The following RORA variants were observed in gnomAD, a reference collection of about 807,000 sequenced individuals.
RORA encodes the protein nuclear receptor ROR-alpha.
A neutral mutation model predicts 69.5 loss-of-function variants in RORA; 7 were observed. That is an observed-to-expected ratio of 0.10 (90% CI 0.06 to 0.19). The LOEUF (loss-of-function observed/expected upper bound fraction) is 0.19. Among genes scored for constraint, RORA ranks in the 10% least tolerant of loss-of-function variants. The pLI is 1.00. For synonymous variants in RORA, 261 were observed against 240.8 expected (o/e 1.08, Z -0.78); for missense variants, 457 against 663.0 (o/e 0.69, Z 3.41).
chr15:60,748,444 C>T (rs866461022), intron 1 of RORA, among the ~76,000 whole-genome samples: 19 of 152,168 alleles, frequency 1.2e-4, no homozygotes, highest in African/African-American at 4.3e-4. Flanking sequence ...GGTTCCTCCT[C>T]ACGTGGTTCT....
At chr15:60,521,598 C>T (rs529023481) in intron 3 of RORA, among the ~76,000 whole-genome samples, 1 of 152,086 alleles carries the variant, frequency 6.6e-6, no homozygotes, top group Admixed American at 6.5e-5. Context: ...CTTTGACTTC[C>T]TTTTGTTAAG....
chr15:60,640,361 G>A (rs532191413), intron 2 of RORA, among the ~76,000 whole-genome samples: 4 of 152,282 alleles, frequency 2.6e-5, no homozygotes, highest in South Asian at 2.1e-4. Context: ...TCAGTCCAAC[G>A]TGTAGGCCGT....
At chr15:60,707,741 G>A (rs771342517) in intron 1 of RORA, among the ~76,000 whole-genome samples, 54 of 152,152 alleles carry the variant, frequency 3.5e-4, no homozygotes, top group Non-Finnish European at 6.2e-4. Context: ...TAATAACCTC[G>A]TTGACCTCTT....
In RORA at chr15:60,904,977, T is replaced by C. The variant is rs73432005; in HGVS notation, c.167-226291A>G. 6.2e-3 allele frequency among the ~76,000 whole-genome samples: 942 copies of C among 152,234 alleles called. 11 individuals are homozygous for C. The highest frequency in any genetic ancestry group is 0.022 in the African/African-American group (905 of 41,516). On this transcript the variant is annotated intron_variant, in intron 1 of 10. Coordinates refer to ENST00000335670, the MANE Select transcript of RORA (RefSeq NM_134261.3). ...AACACATATAAAACATGTCTACCTC[T>C]TTGGGAACTCAAAAAATGTGAGGTT...
In RORA at chr15:61,229,231, T is replaced by C. The variant is rs1260088249; in HGVS notation, c.-13A>G. On this transcript the variant is annotated 5_prime_UTR_variant, in exon 1 of 11. Coordinates refer to ENST00000335670, the MANE Select transcript of RORA (RefSeq NM_134261.3). ...GAGCTGACTCCATGTTTTTTCCCAA[T>C]GTAGAGATCGCTGGAGATGGCGAGC... 4 of 1,442,768 alleles carry C rather than the reference T, an allele frequency of 2.8e-6. No individual in the cohort carries two copies. The highest frequency in any genetic ancestry group is 5.8e-5 in the East Asian group (2 of 34,342). The allele number at this position is 1,442,768 out of a possible 1,614,324, so 89.4% of individuals were successfully genotyped here. A position where few individuals can be genotyped will look rare whatever the true frequency, so the allele number is the denominator to read the frequency against.
rs117198155 is a variant in RORA, at chr15:61,163,694, G to A, written c.166+65359C>T. 1.9e-3 allele frequency among the ~76,000 whole-genome samples: 296 copies of A among 152,298 alleles called. 6 individuals are homozygous for A. The East Asian group carries it at 0.037, about 19-fold the overall frequency. On this transcript the variant is annotated intron_variant, in intron 1 of 10. Coordinates refer to ENST00000335670, the MANE Select transcript of RORA (RefSeq NM_134261.3). ...GTCACAGCTGCTGATCTGCTCAGGG[G>A]CAATGACAAATTCCACAGAGTTTGT...
At chr15:60,931,647 T>C (rs571908228) in intron 1 of RORA, among the ~76,000 whole-genome samples, 23 of 152,258 alleles carry the variant, frequency 1.5e-4, no homozygotes, top group Non-Finnish European at 2.6e-4. Context: ...CTGCCTCTTC[T>C]GGCACACACA....
chr15:60,876,167 A>T (rs1040417061), intron 1 of RORA, among the ~76,000 whole-genome samples: 1 of 152,330 alleles, frequency 6.6e-6, no homozygotes, highest in Admixed American at 6.5e-5. Flanking sequence ...TGTTCTTTCA[A>T]GGAACTTTAA....
intron 1 of RORA, among the ~76,000 whole-genome samples, chr15:61,045,909 T>G (rs1486958224): frequency 6.6e-6 from 1 of 152,204 alleles, no homozygotes; most frequent in Non-Finnish European, 1.5e-5. Context: ...CTTCGTGGCA[T>G]GCAGAGAACA....
At chr15:61,082,214 C>T (rs1031167767) in intron 1 of RORA, among the ~76,000 whole-genome samples, 7 of 152,310 alleles carry the variant, frequency 4.6e-5, no homozygotes, top group African/African-American at 1.4e-4. Context: ...TTTGGCCGGG[C>T]GCAGTGGCTC....
intron 2 of RORA, among the ~76,000 whole-genome samples, chr15:60,653,298 CGTGTGTGTGTGT>C (rs61265165): frequency 5.4e-5 from 8 of 147,484 alleles, no homozygotes; most frequent in African/African-American, 1.0e-4. Flanking sequence ...CAGGTGCATG[CGTGTGTGTGTGT>C]GTGTGTGTGT....
chr15:60,832,541 T>C (rs2073055320), intron 1 of RORA, among the ~76,000 whole-genome samples: 1 of 152,310 alleles, frequency 6.6e-6, no homozygotes, highest in East Asian at 1.9e-4. Flanking sequence ...CAGACTTCGA[T>C]GTAAAGGACA....
At chr15:61,005,611 TACAC>T (rs1285313431) in intron 1 of RORA, among the ~76,000 whole-genome samples, 5 of 152,216 alleles carry the variant, frequency 3.3e-5, no homozygotes, top group Non-Finnish European at 4.4e-5. Context: ...TATATATACA[TACAC>T]ACACATATAT....
chr15:60,567,400 T>C lies in RORA; in HGVS notation c.197-35549A>G, dbSNP rs532428608. On this transcript the variant is annotated intron_variant, in intron 2 of 10. Transcript: ENST00000335670. ...AGATGCCCTCTTTTATTATCATTAT[T>C]ATTATTATTATTATTATTTTTTTTT... 1.6e-4 allele frequency among the ~76,000 whole-genome samples: 24 copies of C among 149,122 alleles called. 1 individual carries two copies. Among genetic ancestry groups the C allele is most frequent in the South Asian group, 6.5e-4 (3 of 4,646 alleles).
chr15:60,500,011 A>AT lies in RORA; in HGVS notation c.1295-8dup, dbSNP rs1254594609. The AT allele has an allele frequency of 6.4e-7, 1 of 1,573,272 alleles. No individual in the cohort carries two copies. The highest frequency in any genetic ancestry group is 8.7e-7 in the Non-Finnish European group (1 of 1,147,008). ...TCTTGCAGCCATGAGCGATCTAAGC[A>AT]TAAAAAAATGATATTCTTTAGCATT... On this transcript the variant is annotated splice_region_variant and splice_polypyrimidine_tract_variant and intron_variant, in intron 9 of 10. Coordinates refer to ENST00000335670, the MANE Select transcript of RORA (RefSeq NM_134261.3).
At chr15:60,933,829 A>C (rs1370942847) in intron 1 of RORA, among the ~76,000 whole-genome samples, 6 of 152,336 alleles carry the variant, frequency 3.9e-5, no homozygotes, top group African/African-American at 1.4e-4. Flanking sequence ...TATGGGAAAA[A>C]GCAGAGGCAC....
rs554893925 is a variant in RORA at position 60,927,973 on chromosome 15, C to T, written c.167-249287G>A. On this transcript the variant is annotated intron_variant, in intron 1 of 10. Coordinates refer to ENST00000335670, the MANE Select transcript of RORA (RefSeq NM_134261.3). ...TCCAGCCCTGTTTTCTCCTCACCTT[C>T]CTCACAGCCATGCCCTTGTTTGGGG... Among the ~76,000 whole-genome samples the T allele has an allele frequency of 1.2e-4, 19 of 152,278 alleles. No individual in the cohort carries two copies. In the South Asian group the frequency reaches 2.7e-3, roughly 22 times the overall value.
chr15:60,948,573 C>A (rs1892975779), intron 1 of RORA, among the ~76,000 whole-genome samples: 1 of 152,190 alleles, frequency 6.6e-6, no homozygotes, highest in African/African-American at 2.4e-5. Context: ...TTTACATGAG[C>A]AACCTCATCT....
intron 2 of RORA, among the ~76,000 whole-genome samples, chr15:60,633,674 G>A (rs1267303840): frequency 2.0e-5 from 3 of 152,222 alleles, no homozygotes; most frequent in Non-Finnish European, 4.4e-5. Context: ...AGTGCTCAGA[G>A]ACCAAGTCCC....
Sources: gnomAD v4.1 joint callset for allele counts (sites outside exome capture counted in the v4.1 genomes callset) on GRCh38, gnomAD v4.1.1 for gene constraint, MANE v1.5 for transcripts, NCBI Gene and HGNC (gene_info 2026-07-23, HGNC 2026-07-21) for gene names.